SUGP2: variants seen among roughly 807,000 people sequenced by gnomAD.
SUGP2 encodes SURP and G-patch domain containing 2.
A neutral mutation model predicts 90.5 loss-of-function variants in SUGP2; 24 were observed. The ratio of observed to expected loss-of-function variants is 0.27; its 90% CI spans 0.19 to 0.37. The LOEUF (loss-of-function observed/expected upper bound fraction) is 0.37. Among genes scored for constraint, SUGP2 ranks in the 10% least tolerant of loss-of-function variants. SUGP2 has a pLI of 1.00. For missense variants in SUGP2, 1,233 were observed against 1,363.3 expected, an observed-to-expected ratio of 0.90 and a Z score of 1.51; for synonymous variants, 473 against 513.4, an observed-to-expected ratio of 0.92 and a Z score of 1.06.
In SUGP2 at chr19:19,008,444, C is replaced by T; in HGVS notation, c.2339-16G>A. 1.3e-6 allele frequency: 2 copies of T among 1,599,612 alleles called. No homozygotes were observed. Among genetic ancestry groups the T allele is most frequent in the Non-Finnish European group, 1.7e-6 (2 of 1,166,802 alleles). ...TTCATGTCAACTACAAAACATAAAG[C>T]ACCTGTCAGGCATGACTCCTGAGCT... On this transcript the variant is annotated splice_polypyrimidine_tract_variant and intron_variant, in intron 5 of 10. Coordinates refer to ENST00000452918, the MANE Select transcript of SUGP2 (RefSeq NM_001017392.5).
chr19:19,004,139 G>A (rs201283632), intron 7 of SUGP2, 29 bp downstream of exon 7: 11 of 1,501,430 alleles, frequency 7.3e-6, no homozygotes, highest in Non-Finnish European at 9.9e-6. Context: ...CTGTGCTAGA[G>A]GCAACTGTGC....
In SUGP2 at chr19:19,025,591, T is replaced by C; in HGVS notation, c.757A>G (p.Lys253Glu). The change falls in exon 3 of 11, where the codon AAA becomes GAA. Residue 253 changes from lysine to glutamate, a missense_variant. Transcript: ENST00000452918. ...ATACGATTCACGGTGGGTATTTTTT[T>C]TGTGCTCACATTTCTCAATGTGACA... ...KLVTLRNVST[K>E]KIPTVNRITP... is the part of the protein sequence containing the mutation. 1 of 1,614,072 alleles carries C rather than the reference T, an allele frequency of 6.2e-7. No homozygotes were observed. Among genetic ancestry groups the C allele is most frequent in the Non-Finnish European group, 8.5e-7 (1 of 1,179,996 alleles).
At chr19:19,023,273 G>A (rs191669248) in intron 3 of SUGP2, among the ~76,000 whole-genome samples, 2 of 152,290 alleles carry the variant, frequency 1.3e-5, no homozygotes, top group African/African-American at 4.8e-5. Context: ...AGGCTAGACT[G>A]GAGCCTCTCC....
chr19:19,014,156 G>A (rs1355054269), intron 4 of SUGP2, among the ~76,000 whole-genome samples: 1 of 152,104 alleles, frequency 6.6e-6, no homozygotes, highest in Non-Finnish European at 1.5e-5. Flanking sequence ...ACCATGCCCA[G>A]CTAATTTTTT....
At chr19:18,997,495 T>C (rs556474825) in intron 8 of SUGP2, among the ~76,000 whole-genome samples, 4 of 152,164 alleles carry the variant, frequency 2.6e-5, no homozygotes, top group African/African-American at 7.2e-5. Flanking sequence ...CAGAAACGGA[T>C]ACCCTAAGGC....
At chr19:18,995,855 C>T (rs1568373355) in intron 8 of SUGP2, among the ~76,000 whole-genome samples, 1 of 152,154 alleles carries the variant, frequency 6.6e-6, no homozygotes, top group African/African-American at 2.4e-5. Flanking sequence ...ACAGAGCAGA[C>T]CTCACTGAGA....
intron 4 of SUGP2, among the ~76,000 whole-genome samples, chr19:19,015,262 G>C (rs902092844): frequency 6.6e-6 from 1 of 152,072 alleles, no homozygotes; most frequent in Non-Finnish European, 1.5e-5. Context: ...AGAGGTAGCC[G>C]TGAGAAGTAG....
At chr19:18,995,306 T>C (rs1032405479) in intron 8 of SUGP2, 26 bp from the exon 9 acceptor site, 1 of 1,575,414 alleles carries the variant, frequency 6.3e-7, no homozygotes, top group Non-Finnish European at 8.6e-7. Context: ...AGTCCAGGCA[T>C]GTGGGCCACA....
chr19:18,995,394 G>C, intron 8 of SUGP2, 114 bp from the exon 9 acceptor site: 4 of 1,238,610 alleles, frequency 3.2e-6, no homozygotes, highest in Non-Finnish European at 4.3e-6. Context: ...TGACTCCCCA[G>C]ATGCTCAGGC....
At chr19:19,029,124 G>A (rs865820953) in intron 2 of SUGP2, among the ~76,000 whole-genome samples, 3 of 151,308 alleles carry the variant, frequency 2.0e-5, no homozygotes, top group East Asian at 2.0e-4. Context: ...GGCCATAGGC[G>A]CATGCCACCA....
chr19:19,017,499 C>T (rs948523303), intron 4 of SUGP2, among the ~76,000 whole-genome samples: 3 of 151,946 alleles, frequency 2.0e-5, no homozygotes, highest in African/African-American at 4.8e-5. Context: ...AGGCTGGGCG[C>T]GGTGGCTCAC....
Position 19,033,497 on chromosome 19 carries a change from G to C in SUGP2, c.-72C>G. On this transcript the variant is annotated 5_prime_UTR_variant, in exon 1 of 11. Transcript: ENST00000452918. ...CGCCTCAGGCTCCTCACCCGCCGCCGCCGCCGCGCGAGGCGGGGACATGCA... is the reference window on the plus strand; with the variant it reads ...CGCCTCAGGCTCCTCACCCGCCGCCCCCGCCGCGCGAGGCGGGGACATGCA... The C allele has an allele frequency of 2.1e-6, 3 of 1,406,528 alleles. No individual in the cohort carries two copies. The highest frequency in any genetic ancestry group is 2.8e-6 in the Non-Finnish European group (3 of 1,079,114). The allele number at this position is 1,406,528 out of a possible 1,614,324, so 87.1% of individuals were successfully genotyped here. A position where few individuals can be genotyped will look rare whatever the true frequency, so the allele number is the denominator to read the frequency against.
At chr19:19,001,017 C>CT (rs1163536301) in intron 8 of SUGP2, among the ~76,000 whole-genome samples, 4,004 of 138,504 alleles carry the variant, frequency 0.029, 193 homozygotes, top group African/African-American at 0.091. Context: ...GCTTGAACTT[C>CT]TTTTTTTTTT....
At chr19:19,033,247 A>T (rs1270548468) in intron 1 of SUGP2, 190 bp downstream of exon 1, 1 of 482,306 alleles carries the variant, frequency 2.1e-6, no homozygotes, top group South Asian at 9.3e-5. Context: ...GCGGGCGAGG[A>T]AATGGGGGCG....
chr19:18,997,745 T>C (rs1450371649), intron 8 of SUGP2, among the ~76,000 whole-genome samples: 2 of 136,830 alleles, frequency 1.5e-5, no homozygotes, highest in Non-Finnish European at 3.0e-5. Flanking sequence ...ATCATGCCAT[T>C]GCACTCCAGC....
rs2057349385 is a variant in SUGP2 at position 18,991,267 on chromosome 19, G to GGGAGGGGCTGGGGGCAC, written c.*2457_*2473dup. Reference sequence around the variant, plus strand: ...AGAGCAAGGACAGCCTCGGTTAAGAGGGAGGGGCTGGGGGCACGGAGGGCC... The same window carrying GGGAGGGGCTGGGGGCAC: ...AGAGCAAGGACAGCCTCGGTTAAGAGGGAGGGGCTGGGGGCACGGAGGGGCTGGGGGCACGGAGGGCC... On this transcript the variant is annotated 3_prime_UTR_variant, in exon 11 of 11. Coordinates refer to ENST00000452918, the MANE Select transcript of SUGP2 (RefSeq NM_001017392.5). 6.6e-6 allele frequency: 1 copy of GGGAGGGGCTGGGGGCAC among 152,388 alleles called. No homozygotes were observed. The allele number at this position is 152,388 out of a possible 1,614,324, so 9.4% of individuals were successfully genotyped here. A position where few individuals can be genotyped will look rare whatever the true frequency, so the allele number is the denominator to read the frequency against.
intron 7 of SUGP2, 28 bp from the exon 8 acceptor site, chr19:19,001,702 C>T (rs1488108844): frequency 3.1e-6 from 5 of 1,610,808 alleles, no homozygotes; most frequent in African/African-American, 1.3e-5. Context: ...GAGACACATA[C>T]ACATACATGT....
intron 1 of SUGP2, among the ~76,000 whole-genome samples, chr19:19,032,607 C>T (rs570661721): frequency 6.6e-6 from 1 of 152,198 alleles, no homozygotes; most frequent in Admixed American, 6.5e-5. Context: ...TGCGCTGGGT[C>T]CTTGCGCGAT....
chr19:19,030,114 G>A (rs945683000), intron 2 of SUGP2, among the ~76,000 whole-genome samples: 3 of 151,526 alleles, frequency 2.0e-5, no homozygotes, highest in Admixed American at 6.6e-5. Context: ...AGGAGTTGCA[G>A]ACCAGCCTGA....
Sources: allele counts gnomAD v4.1 joint callset (sites outside exome capture counted in the v4.1 genomes callset), GRCh38; gene constraint gnomAD v4.1.1; transcripts MANE v1.5; gene names NCBI Gene and HGNC (gene_info 2026-07-23, HGNC 2026-07-21).